Variants in AFG1L observed in about 807,000 individuals in gnomAD.
AFG1L encodes the protein AFG1-like ATPase.
AFG1L carries 53 observed loss-of-function variants against 62.2 expected under a neutral mutation model. The observed-to-expected ratio is 0.85, with a 90% CI of 0.68 to 1.07. AFG1L has a LOEUF of 1.07. Ranked by LOEUF, AFG1L falls within the 50% of genes least tolerant of loss-of-function variation. The pLI, the probability that AFG1L is intolerant of heterozygous loss-of-function variation, is 0.00. For synonymous variants in AFG1L, 228 were observed against 210.3 expected (o/e 1.08, Z -0.73); for missense variants, 555 against 590.5 (o/e 0.94, Z 0.62).
chr6:108,473,326 A>T (rs1772978665), intron 8 of AFG1L, among the ~76,000 whole-genome samples: 1 of 152,202 alleles, frequency 6.6e-6, no homozygotes, highest in Non-Finnish European at 1.5e-5. Flanking sequence ...ACCATAGAGT[A>T]ATAAAGAAAT....
At chr6:108,475,479 A>G (rs1432986038) in intron 8 of AFG1L, among the ~76,000 whole-genome samples, 1 of 152,148 alleles carries the variant, frequency 6.6e-6, no homozygotes, top group African/African-American at 2.4e-5. Flanking sequence ...CTAAACAGAC[A>G]TGTGCTTGGC....
chr6:108,317,262 G>A (rs190650220), intron 1 of AFG1L, among the ~76,000 whole-genome samples: 27 of 152,322 alleles, frequency 1.8e-4, no homozygotes, highest in Admixed American at 1.5e-3. Flanking sequence ...TCCCACACAG[G>A]AGAACTGGAG....
chr6:108,389,225 G>T (rs1414003532), intron 6 of AFG1L, among the ~76,000 whole-genome samples: 1 of 151,924 alleles, frequency 6.6e-6, no homozygotes, highest in African/African-American at 2.4e-5. Flanking sequence ...TTTTCCATTT[G>T]CTTGGTAGAT....
At chr6:108,343,697 T>C (rs1174777567) in intron 2 of AFG1L, among the ~76,000 whole-genome samples, 1 of 152,230 alleles carries the variant, frequency 6.6e-6, no homozygotes, top group Non-Finnish European at 1.5e-5. Flanking sequence ...AACCATTGCA[T>C]GATAATGGTT....
chr6:108,340,836 C>A (rs1030413437), intron 2 of AFG1L, among the ~76,000 whole-genome samples: 1 of 152,074 alleles, frequency 6.6e-6, no homozygotes, highest in African/African-American at 2.4e-5. Flanking sequence ...TGGGTGCAGA[C>A]GTGGGTGGGA....
chr6:108,301,450 T>C (rs1776996324), intron 1 of AFG1L, among the ~76,000 whole-genome samples: 1 of 152,250 alleles, frequency 6.6e-6, no homozygotes, highest in South Asian at 2.1e-4. Context: ...CTGCAACTTC[T>C]TCAGGCTGAA....
intron 11 of AFG1L, among the ~76,000 whole-genome samples, chr6:108,513,269 G>A (rs1774733604): frequency 6.6e-6 from 1 of 152,210 alleles, no homozygotes; most frequent in African/African-American, 2.4e-5. Flanking sequence ...AGTGGGTGCA[G>A]GACAGTGGGT....
At chr6:108,476,452 A>G (rs1376731212) in intron 8 of AFG1L, among the ~76,000 whole-genome samples, 1 of 152,186 alleles carries the variant, frequency 6.6e-6, no homozygotes, top group Non-Finnish European at 1.5e-5. Context: ...TTTAAAATGC[A>G]GCTTCAATAT....
chr6:108,347,082 T>A (rs971022616), intron 3 of AFG1L, 43 bp downstream of exon 3: 1 of 1,427,444 alleles, frequency 7.0e-7, no homozygotes, highest in Non-Finnish European at 9.9e-7. Context: ...AAACAGAAAG[T>A]TTCTCAGCTT....
At chr6:108,306,113 AGGCTAGCCTTG>A (rs1777188755) in intron 1 of AFG1L, among the ~76,000 whole-genome samples, 1 of 152,170 alleles carries the variant, frequency 6.6e-6, no homozygotes, top group Non-Finnish European at 1.5e-5. Context: ...CATATTGGCC[AGGCTAGCCTTG>A]AACTCCTGAC....
At chr6:108,346,934 A>G in intron 2 of AFG1L, 54 bp from the exon 3 acceptor site, 2 of 1,322,612 alleles carry the variant, frequency 1.5e-6, no homozygotes, top group Non-Finnish European at 2.2e-6. Context: ...TATGTATATG[A>G]TTATATTTAA....
intron 2 of AFG1L, among the ~76,000 whole-genome samples, chr6:108,344,150 G>A (rs1778780890): frequency 1.3e-5 from 2 of 152,152 alleles, no homozygotes; most frequent in South Asian, 4.1e-4. Flanking sequence ...GTCTCGTTCT[G>A]TTGCCCAGGC....
intron 8 of AFG1L, among the ~76,000 whole-genome samples, chr6:108,466,235 A>G (rs1772660367): frequency 6.6e-6 from 1 of 152,182 alleles, no homozygotes; most frequent in Non-Finnish European, 1.5e-5. Flanking sequence ...CCAATTGGAA[A>G]ACTGGCAACA....
chr6:108,421,642 G>T (rs1223280973), intron 7 of AFG1L, among the ~76,000 whole-genome samples: 3 of 151,980 alleles, frequency 2.0e-5, no homozygotes, highest in Non-Finnish European at 2.9e-5. Context: ...CCCCCTGTCT[G>T]CTTTAGACCA....
At chr6:108,334,463 G>T (rs899058006) in intron 2 of AFG1L, among the ~76,000 whole-genome samples, 1 of 151,908 alleles carries the variant, frequency 6.6e-6, no homozygotes, top group African/African-American at 2.4e-5. Flanking sequence ...AAATTGAGGC[G>T]GGTGGATCAC....
chr6:108,485,640 ATATATATATATATATATTTTTT>A (rs1328314501), intron 10 of AFG1L, among the ~76,000 whole-genome samples: 2 of 15,850 alleles, frequency 1.3e-4, no homozygotes, highest in East Asian at 2.6e-3. Context: ...ATATATATAT[ATATATATATATATATATTTTTT>A]TTTTTTTTTT....
chr6:108,435,012 C>G (rs930928974), intron 7 of AFG1L, among the ~76,000 whole-genome samples: 1 of 152,194 alleles, frequency 6.6e-6, no homozygotes, highest in African/African-American at 2.4e-5. Flanking sequence ...TGTTCTGATT[C>G]TTAACCATCT....
intron 7 of AFG1L, among the ~76,000 whole-genome samples, chr6:108,402,710 A>AC (rs1781687227): frequency 6.6e-6 from 1 of 152,150 alleles, no homozygotes; most frequent in African/African-American, 2.4e-5. Context: ...TGGAATATTT[A>AC]AACTTATACA....
chr6:108,366,263 AAAC>A lies in AFG1L; in HGVS notation c.681_683del (p.Gln228del). The stretch of plus-strand genomic sequence containing the variant: ...TGACATTGCTGATGCCATGATTCTG[AAAC>A]AGCTTTTTGAAAATCTGTTCAAAAA... On this transcript the variant is annotated inframe_deletion, in exon 6 of 13. Transcript: ENST00000368977. 2 of 1,610,740 alleles carry A rather than the reference AAAC, an allele frequency of 1.2e-6. No individual in the cohort carries two copies. Among genetic ancestry groups the A allele is most frequent in the Non-Finnish European group, 1.7e-6 (2 of 1,177,574 alleles).
Sources: allele counts gnomAD v4.1 joint callset (sites outside exome capture counted in the v4.1 genomes callset), GRCh38; gene constraint gnomAD v4.1.1; transcripts MANE v1.5; gene names NCBI Gene and HGNC (gene_info 2026-07-23, HGNC 2026-07-21).